The following CCDC61 variants were observed in gnomAD, a reference collection of about 807,000 sequenced individuals.
The protein encoded by CCDC61 is coiled-coil domain containing 61, also known as centrosomal protein CCDC61.
CCDC61 carries 55 observed loss-of-function variants against 63.0 expected under a neutral mutation model. The ratio of observed to expected loss-of-function variants is 0.87; its 90% CI spans 0.70 to 1.09. The LOEUF is 1.09. Among genes scored for constraint, CCDC61 ranks in the 50% least tolerant of loss-of-function variants. The probability of loss-of-function intolerance (pLI) is 0.00; values close to 1 mark genes in which losing one functional copy is unlikely to be tolerated. For missense variants in CCDC61, 651 were observed against 731.4 expected (o/e 0.89, Z 1.27); for synonymous variants, 270 against 317.0 (o/e 0.85, Z 1.58).
At chr19:46,017,429 C>A in intron 12 of CCDC61, 125 bp downstream of exon 12, 2 of 851,408 alleles carry the variant, frequency 2.3e-6, no homozygotes, top group Non-Finnish European at 3.6e-6. Flanking sequence ...TTTAAGAGTG[C>A]GTCTCGCTCT....
intron 5 of CCDC61, among the ~76,000 whole-genome samples, chr19:46,011,056 C>CTTTCTTTTTTTTTTTTTT (rs1568693620): frequency 6.6e-6 from 1 of 150,836 alleles, no homozygotes. Flanking sequence ...TCTTTTCTTT[C>CTTTCTTTTTTTTTTTTTT]TTTCTTTTTT....
In CCDC61 at chr19:46,018,548, C is replaced by T. The variant is rs1054882; in HGVS notation, c.*161C>T. The T allele has an allele frequency of 6.2e-5, 37 of 600,348 alleles. No individual in the cohort carries two copies. The highest frequency in any genetic ancestry group is 1.1e-4 in the Non-Finnish European group (36 of 333,128). 37.2% of individuals were successfully genotyped at this position (600,348 alleles called of 1,614,324 possible). ...GTGTGTGAGGCCCTGACCCTGCCCTCTCCCCAGGCAGTGCATGCTGGGAGG... is the reference window on the plus strand; with the variant it reads ...GTGTGTGAGGCCCTGACCCTGCCCTTTCCCCAGGCAGTGCATGCTGGGAGG... On this transcript the variant is annotated 3_prime_UTR_variant, in exon 14 of 14. Coordinates refer to ENST00000595358, the MANE Select transcript of CCDC61 (RefSeq NM_001267723.2). The surrounding 1 kb of genome is among the most constrained non-coding windows in gnomAD (Gnocchi z 4.2).
chr19:46,008,326 T>TGGGG, intron 5 of CCDC61, 25 bp downstream of exon 5: 1 of 460,808 alleles, frequency 2.2e-6, no homozygotes, highest in Non-Finnish European at 4.1e-6. Context: ...GGTGGGCAGC[T>TGGGG]GGGGCGGGTG....
chr19:46,005,326 T>C (rs541422882), intron 3 of CCDC61, among the ~76,000 whole-genome samples: 1 of 152,174 alleles, frequency 6.6e-6, no homozygotes, highest in Non-Finnish European at 1.5e-5. Flanking sequence ...AGCGATAGTT[T>C]CTTAAAGGTT....
Position 46,015,276 on chromosome 19 carries a change from C to CG in CCDC61, c.762+21dup, listed in dbSNP as rs745342217. ...GCCAAGGAGGTGAGCAGCGGGGGCC[C>CG]GGGGCGGCCAGCGAGGCGCGGACCT... On this transcript the variant is annotated intron_variant, in intron 6 of 13. Transcript: ENST00000595358. The surrounding 1 kb of genome is among the most constrained non-coding windows in gnomAD (Gnocchi z 5.3). The CG allele has an allele frequency of 2.2e-5, 33 of 1,530,688 alleles. No individual in the cohort carries two copies. Among genetic ancestry groups the CG allele is most frequent in the African/African-American group, 1.4e-4 (10 of 71,696 alleles). 94.8% of individuals were successfully genotyped at this position (1,530,688 alleles called of 1,614,324 possible).
Position 46,016,759 on chromosome 19 carries a change from G to T in CCDC61, c.1157G>T (p.Arg386Leu), listed in dbSNP as rs1215273789. ...SGDGPSVSWS[R>L]QTQPPAALTG... is the part of the protein sequence containing the mutation. ...GACGGTCCGTCCGTCTCCTGGTCTC[G>T]CCAGACCCAGCCCCCTGCTGCCTTG... is the stretch of plus-strand genomic sequence containing the variant. Residue 386 changes from arginine to leucine, a missense_variant, in exon 10 of 14, where the codon CGC (arginine) becomes CTC (leucine). Arg to Leu is a moderately radical substitution (Grantham distance 102). Coordinates refer to ENST00000595358, the MANE Select transcript of CCDC61 (RefSeq NM_001267723.2). This position sits in a 1 kb window ranked among gnomAD's most constrained non-coding sequence, Gnocchi z 7.2. 6.3e-7 allele frequency: 1 copy of T among 1,584,150 alleles called. No individual in the cohort carries two copies. The highest frequency in any genetic ancestry group is 8.6e-7 in the Non-Finnish European group (1 of 1,166,132).
intron 5 of CCDC61, among the ~76,000 whole-genome samples, chr19:46,010,864 A>G (rs1191418066): frequency 1.3e-5 from 2 of 152,194 alleles, no homozygotes; most frequent in African/African-American, 4.8e-5. Flanking sequence ...ATAAGGATAT[A>G]AGTGCTGCCA....
At chr19:46,003,937 T>G (rs1968645962) in intron 3 of CCDC61, among the ~76,000 whole-genome samples, 2 of 151,760 alleles carry the variant, frequency 1.3e-5, no homozygotes, top group African/African-American at 4.8e-5. Flanking sequence ...TTTTTTGGTT[T>G]GTTTGTTTAT....
intron 4 of CCDC61, 131 bp downstream of exon 4, chr19:46,006,847 T>G: frequency 1.2e-6 from 1 of 824,932 alleles, no homozygotes. Flanking sequence ...ATCTTCCCTG[T>G]TGGGGTTTGT....
intron 12 of CCDC61, among the ~76,000 whole-genome samples, chr19:46,017,592 G>A (rs1968972846): frequency 6.6e-6 from 1 of 151,982 alleles, no homozygotes; most frequent in South Asian, 2.1e-4. Flanking sequence ...GGGTGGTATT[G>A]TCTCTTTATG....
Position 46,001,652 on chromosome 19 carries a change from T to A in CCDC61, c.-11-1356T>A, listed in dbSNP as rs564452010. Among the ~76,000 whole-genome samples, 8 of 152,344 alleles carry A rather than the reference T, an allele frequency of 5.3e-5. No individual in the cohort carries two copies. In the South Asian group the frequency reaches 1.7e-3, roughly 32 times the overall value. On this transcript the variant is annotated intron_variant, in intron 1 of 13. Transcript: ENST00000595358. ...CCTTCCAAAGCACTCTTCTCCCAAA[T>A]GAAGTTAAGAGCTGTGATCTAGAGA...
intron 3 of CCDC61, 36 bp downstream of exon 3, chr19:46,003,537 G>T (rs746807257): frequency 2.2e-6 from 3 of 1,372,410 alleles, no homozygotes; most frequent in South Asian, 2.4e-5. Flanking sequence ...GTGGGAGGGG[G>T]GTTCTGTCTT....
chr19:46,009,871 G>C (rs1027350841), intron 5 of CCDC61, among the ~76,000 whole-genome samples: 2 of 151,986 alleles, frequency 1.3e-5, no homozygotes, highest in African/African-American at 4.8e-5. Flanking sequence ...GGCTGTGTGT[G>C]TGTGTTTCTA....
intron 1 of CCDC61, among the ~76,000 whole-genome samples, chr19:45,996,580 A>C (rs1206133962): frequency 6.6e-6 from 1 of 152,088 alleles, no homozygotes; most frequent in Non-Finnish European, 1.5e-5. Context: ...TTGTATTTTT[A>C]GTAGAGAAGG....
Position 46,008,169 on chromosome 19 carries a change from A to G in CCDC61, c.419A>G (p.Gln140Arg), listed in dbSNP as rs1600647349. The change falls in exon 5 of 14, where the codon CAG becomes CGG. Residue 140 changes from glutamine (Q) to arginine (R), a missense_variant. By Grantham distance (43) the Gln-to-Arg change is conservative (BLOSUM62 1). Coordinates refer to ENST00000595358, the MANE Select transcript of CCDC61 (RefSeq NM_001267723.2). Reference sequence around the variant, plus strand: ...CACTACCCGCTGCCCCTCCCGTACCAGGGCAAGCCAGACCCCGTGGTTCTG... The same window carrying G: ...CACTACCCGCTGCCCCTCCCGTACCGGGGCAAGCCAGACCCCGTGGTTCTG... The part of the protein sequence containing the change: ...RIHYPLPLPY[Q>R]GKPDPVVLQG... The G allele has an allele frequency of 6.2e-7, 1 of 1,612,090 alleles. No individual in the cohort carries two copies. Among genetic ancestry groups the G allele is most frequent in the Non-Finnish European group, 8.5e-7 (1 of 1,179,224 alleles).
intron 4 of CCDC61, 104 bp downstream of exon 4, chr19:46,006,820 T>A: frequency 2.8e-6 from 3 of 1,085,886 alleles, no homozygotes; most frequent in Non-Finnish European, 2.7e-6. Context: ...TGATATTGGT[T>A]AAGCCTTGCC....
rs1342094425 is a variant in CCDC61, at chr19:46,008,253, A to G, written c.503A>G (p.Gln168Arg). 6 of 1,610,710 alleles carry G rather than the reference A, an allele frequency of 3.7e-6. No individual in the cohort carries two copies. Among genetic ancestry groups the G allele is most frequent in the Non-Finnish European group, 5.1e-6 (6 of 1,178,328 alleles). The change falls in exon 5 of 14, where the codon CAG (glutamine) becomes CGG (arginine). Residue 168 changes from glutamine (Q) to arginine (R), a missense_variant. Gln to Arg is a conservative substitution (Grantham distance 43). Coordinates refer to ENST00000595358, the MANE Select transcript of CCDC61 (RefSeq NM_001267723.2). ...GGCCGCCTGCAAGGGCTGGATGGCC[A>G]GAACACTCGGGACACCCGGGAGAAT... Reference protein sequence around the residue: ...ELGRLQGLDGQNTRDTRENEI... With the variant: ...ELGRLQGLDGRNTRDTRENEI...
chr19:46,017,146 T>C lies in CCDC61; in HGVS notation c.1310+77T>C, dbSNP rs574809072. 5.0e-5 allele frequency: 78 copies of C among 1,546,774 alleles called. No homozygotes were observed. The South Asian group carries it at 9.2e-4, about 18-fold the overall frequency. ...CTAGAAACAGTCTTTTGCAGGGAAATTGGGTGATGGAGCCTGGGGGCCTTG... is the reference window on the plus strand; with the variant it reads ...CTAGAAACAGTCTTTTGCAGGGAAACTGGGTGATGGAGCCTGGGGGCCTTG... On this transcript the variant is annotated intron_variant, in intron 11 of 13. Transcript: ENST00000595358.
At chr19:46,005,587 G>C (rs1044578508) in intron 3 of CCDC61, among the ~76,000 whole-genome samples, 2 of 152,058 alleles carry the variant, frequency 1.3e-5, no homozygotes, top group Non-Finnish European at 2.9e-5. Context: ...AGGAAAGTCT[G>C]TGAACACCGA....
Sources: allele counts gnomAD v4.1 joint callset (sites outside exome capture counted in the v4.1 genomes callset), GRCh38; gene constraint gnomAD v4.1.1; non-coding constraint Gnocchi (gnomAD v3.1); transcripts MANE v1.5; gene names NCBI Gene and HGNC (gene_info 2026-07-23, HGNC 2026-07-21).